Variants in FAM193A observed in about 807,000 individuals in gnomAD.
The protein encoded by FAM193A is protein FAM193A.
Under a neutral mutation model 126.5 loss-of-function variants are expected in FAM193A, and 22 were observed. The observed-to-expected ratio is 0.17, with a 90% confidence interval of 0.12 to 0.25. The LOEUF is 0.25. Among genes scored for constraint, FAM193A ranks in the 10% least tolerant of loss-of-function variants. FAM193A has a pLI of 1.00. For synonymous variants in FAM193A, 761 were observed against 646.8 expected, an observed-to-expected ratio of 1.18 and a Z score of -2.68; for missense variants, 1,675 against 1,672.8, an observed-to-expected ratio of 1.00 and a Z score of -0.02.
At chr4:2,571,206 C>G (rs560311241) in intron 1 of FAM193A, among the ~76,000 whole-genome samples, 1 of 152,232 alleles carries the variant, frequency 6.6e-6, no homozygotes, top group African/African-American at 2.4e-5. Flanking sequence ...GTAAGTGGAC[C>G]AAATTATGTT....
chr4:2,703,611 C>T (rs1215776723), intron 19 of FAM193A, among the ~76,000 whole-genome samples: 1 of 151,826 alleles, frequency 6.6e-6, no homozygotes, highest in Non-Finnish European at 1.5e-5. Flanking sequence ...TATGTGTTTC[C>T]ATATTGTTTG....
intron 2 of FAM193A, among the ~76,000 whole-genome samples, chr4:2,620,716 G>A (rs1471230965): frequency 1.3e-5 from 2 of 151,050 alleles, no homozygotes; most frequent in African/African-American, 4.9e-5. Context: ...AGGGGTGGTG[G>A]TGGGCTCCCG....
At chr4:2,617,052 C>G (rs1742230749) in intron 2 of FAM193A, among the ~76,000 whole-genome samples, 1 of 142,162 alleles carries the variant, frequency 7.0e-6, no homozygotes, top group Non-Finnish European at 1.5e-5. Context: ...CCTGTCATCC[C>G]AGCTACTCAG....
intron 8 of FAM193A, among the ~76,000 whole-genome samples, chr4:2,658,932 G>A (rs1433089945): frequency 6.6e-6 from 1 of 152,140 alleles, no homozygotes; most frequent in Non-Finnish European, 1.5e-5. Context: ...TGTATTTTTA[G>A]TAGAGATGGG....
chr4:2,685,026 T>C (rs1263738602), intron 13 of FAM193A, among the ~76,000 whole-genome samples: 1 of 152,226 alleles, frequency 6.6e-6, no homozygotes, highest in Non-Finnish European at 1.5e-5. Flanking sequence ...CATGTGACTT[T>C]GAATCCTGGG....
chr4:2,552,390 A>G (rs1013265084), intron 1 of FAM193A, among the ~76,000 whole-genome samples: 2 of 151,828 alleles, frequency 1.3e-5, no homozygotes, highest in African/African-American at 4.8e-5. Context: ...AGTTTAAGCA[A>G]TCTGCCCACC....
rs565042788 is a variant in FAM193A at position 2,699,889 on chromosome 4, G to C, written c.3717G>C (p.Leu1239Phe). The C allele has an allele frequency of 1.2e-6, 2 of 1,614,012 alleles. No individual in the cohort carries two copies. Among genetic ancestry groups the C allele is most frequent in the East Asian group, 4.5e-5 (2 of 44,864 alleles). ...KERPSKDCPK[L>F]DMLTRNFQAA... is the part of the protein sequence containing the mutation. Reference sequence around the variant, plus strand: ...GGCCAAGTAAAGACTGCCCCAAGTTGGACATGCTCACTAGAAATTTCCAGG... The same window carrying C: ...GGCCAAGTAAAGACTGCCCCAAGTTCGACATGCTCACTAGAAATTTCCAGG... Residue 1239 changes from leucine (L) to phenylalanine (F), a missense_variant, in exon 19 of 21, where the codon TTG (leucine) becomes TTC (phenylalanine). Around this residue, in one of 4 missense-constraint regions of FAM193A, gnomAD observed 415 missense variants for 396.7 expected, o/e 1.05. Coordinates refer to ENST00000637812, the MANE Select transcript of FAM193A (RefSeq NM_001366318.2).
chr4:2,535,400 A>G (rs1044828462), upstream of FAM193A, among the ~76,000 whole-genome samples: 5 of 152,220 alleles, frequency 3.3e-5, no homozygotes, highest in African/African-American at 1.2e-4. Context: ...GACGAACAGT[A>G]GAGCTCGGTT....
At position 2,731,228 on chromosome 4, in the gene FAM193A, G is replaced by T. The variant is rs572832952; in HGVS notation, c.4455-547G>T. Among the ~76,000 whole-genome samples, 320 of 143,852 alleles carry T rather than the reference G, an allele frequency of 2.2e-3. 1 individual carries two copies. The highest frequency in any genetic ancestry group is 4.0e-3 in the Non-Finnish European group (263 of 66,018). The allele number at this position is 143,852 out of a possible 152,430, so 94.4% of individuals were successfully genotyped here. ...AAAAAAAAAAAAAAAAAAAAAACCGGTGTGGTGGTACATGCCTGTAGTCCT... is the reference window on the plus strand; with the variant it reads ...AAAAAAAAAAAAAAAAAAAAAACCGTTGTGGTGGTACATGCCTGTAGTCCT... On this transcript the variant is annotated intron_variant, in intron 20 of 20. Transcript: ENST00000637812.
chr4:2,569,570 T>C (rs946710995), intron 1 of FAM193A, among the ~76,000 whole-genome samples: 2 of 152,162 alleles, frequency 1.3e-5, no homozygotes, highest in African/African-American at 4.8e-5. Context: ...CGATCATGAC[T>C]CACTGCAGCC....
At chr4:2,715,797 A>AGC (rs1719476099) in intron 19 of FAM193A, among the ~76,000 whole-genome samples, 1 of 152,232 alleles carries the variant, frequency 6.6e-6, no homozygotes, top group Non-Finnish European at 1.5e-5. Flanking sequence ...CGGGACCTGA[A>AGC]GCCACAGTTG....
chr4:2,565,064 A>T (rs79832701), intron 1 of FAM193A, among the ~76,000 whole-genome samples: 100 of 152,038 alleles, frequency 6.6e-4, no homozygotes, highest in African/African-American at 2.3e-3. Context: ...CTCCCAAAGT[A>T]CTGGGGGAGT....
rs142901602 is a variant in FAM193A at position 2,700,072 on chromosome 4, C to T, written c.3900C>T (p.Val1300=). The part of the protein sequence containing the change: ...LGADGDAADP[V]DTRDSKFLLP... Reference sequence around the variant, plus strand: ...CTGATGGGGATGCTGCAGACCCCGTCGACACCAGAGACTCCAAATTTCTCC... The same window carrying T: ...CTGATGGGGATGCTGCAGACCCCGTTGACACCAGAGACTCCAAATTTCTCC... Residue 1300 remains valine (V), a synonymous_variant, in exon 19 of 21, where the codon GTC becomes GTT. Coordinates refer to ENST00000637812, the MANE Select transcript of FAM193A (RefSeq NM_001366318.2). The T allele has an allele frequency of 3.3e-4, 530 of 1,613,850 alleles. No homozygotes were observed. Among genetic ancestry groups the T allele is most frequent in the Middle Eastern group, 8.2e-4 (5 of 6,062 alleles).
At chr4:2,627,195 C>G (rs1743056645) in intron 4 of FAM193A, among the ~76,000 whole-genome samples, 1 of 134,522 alleles carries the variant, frequency 7.4e-6, no homozygotes, top group East Asian at 2.1e-4. Flanking sequence ...GAGTCTTGCT[C>G]TGTCAGCCAG....
intron 1 of FAM193A, among the ~76,000 whole-genome samples, chr4:2,564,978 T>A (rs747801826): frequency 5.9e-5 from 9 of 151,956 alleles, no homozygotes; most frequent in Non-Finnish European, 1.3e-4. Flanking sequence ...AAAAAGAAAT[T>A]GCAGAGCCAG....
At chr4:2,710,825 T>C (rs1177054517) in intron 19 of FAM193A, among the ~76,000 whole-genome samples, 3 of 149,414 alleles carry the variant, frequency 2.0e-5, no homozygotes, top group African/African-American at 7.4e-5. Flanking sequence ...ATTTCTGCTT[T>C]CGTCTTTATT....
At position 2,596,210 on chromosome 4, in the gene FAM193A, T is replaced by C. The variant is rs1369120776; in HGVS notation, c.382T>C (p.Leu128=). The C allele has an allele frequency of 1.4e-6, 1 of 702,868 alleles. No individual in the cohort carries two copies. Among genetic ancestry groups the C allele is most frequent in the Non-Finnish European group, 2.6e-6 (1 of 385,004 alleles). 43.5% of individuals were successfully genotyped at this position (702,868 alleles called of 1,614,324 possible). ...GAGTGGAATTAAGACTGCGAGCAAA[T>C]TGGCCCTTTCCATGGCTCCCAAGGG... ...LESGIKTASK[L]ALSMAPKGNS... is the part of the protein sequence containing the mutation. The change falls in exon 2 of 21, where the codon TTG becomes CTG. Residue 128 remains leucine, a synonymous_variant. Coordinates refer to ENST00000637812, the MANE Select transcript of FAM193A (RefSeq NM_001366318.2).
intron 15 of FAM193A, 45 bp downstream of exon 15, chr4:2,691,015 T>G (rs1006853133): frequency 6.5e-7 from 1 of 1,546,228 alleles, no homozygotes; most frequent in South Asian, 1.2e-5. Flanking sequence ...GCAGGAAGGC[T>G]GGGCTTACTG....
intron 19 of FAM193A, among the ~76,000 whole-genome samples, chr4:2,708,482 GA>G (rs902840346): frequency 4.6e-4 from 70 of 151,444 alleles, no homozygotes; most frequent in African/African-American, 1.6e-3. Flanking sequence ...TATTTTTTGA[GA>G]TGGAGTTTCA....
Sources: gnomAD v4.1 joint callset for allele counts (sites outside exome capture counted in the v4.1 genomes callset) on GRCh38, gnomAD v4.1.1 for gene constraint, gnomAD v4.1.1 regional missense constraint, MANE v1.5 for transcripts, NCBI Gene and HGNC (gene_info 2026-07-23, HGNC 2026-07-21) for gene names.